SUSD5: variants seen among roughly 807,000 people sequenced by gnomAD.
SUSD5 encodes the protein sushi domain-containing protein 5.
A neutral mutation model predicts 29.5 loss-of-function variants in SUSD5; 33 were observed. That is an observed-to-expected ratio of 1.12 (90% CI 0.85 to 1.49). SUSD5 has a LOEUF of 1.49. Ranked by LOEUF, SUSD5 falls within the 40% of genes most tolerant of loss-of-function variation. SUSD5 has a pLI of 0.00. For synonymous variants in SUSD5, 308 were observed against 325.3 expected, an observed-to-expected ratio of 0.95 and a Z score of 0.57; for missense variants, 776 against 800.6, an observed-to-expected ratio of 0.97 and a Z score of 0.37.
intron 4 of SUSD5, among the ~76,000 whole-genome samples, chr3:33,157,534 G>A (rs1205921676): frequency 6.6e-6 from 1 of 152,172 alleles, no homozygotes; most frequent in Admixed American, 6.5e-5. Context: ...TACTGGCTGT[G>A]GAAGACAGAC....
intron 4 of SUSD5, among the ~76,000 whole-genome samples, chr3:33,159,371 C>T (rs2031125904): frequency 6.6e-6 from 1 of 152,136 alleles, no homozygotes; most frequent in Admixed American, 6.5e-5. Context: ...TATCTGTGGC[C>T]CTGACAAGTC....
chr3:33,196,247 C>A (rs968488348), intron 3 of SUSD5, among the ~76,000 whole-genome samples: 22 of 152,162 alleles, frequency 1.4e-4, no homozygotes, highest in African/African-American at 5.3e-4. Flanking sequence ...AAACAAAATG[C>A]TCATAAAAAG....
chr3:33,172,180 A>AACAC (rs10576154), intron 4 of SUSD5, among the ~76,000 whole-genome samples: 9,959 of 148,406 alleles, frequency 0.067, 391 homozygotes, highest in Non-Finnish European at 0.091. Flanking sequence ...ACTCTTGTAA[A>AACAC]ACACACACAC....
chr3:33,168,312 A>T (rs1325483516), intron 4 of SUSD5, among the ~76,000 whole-genome samples: 2 of 152,230 alleles, frequency 1.3e-5, no homozygotes, highest in Non-Finnish European at 2.9e-5. Flanking sequence ...ACAACCAGAC[A>T]AGCCAGAAAT....
intron 3 of SUSD5, among the ~76,000 whole-genome samples, chr3:33,187,890 G>A (rs1338964990): frequency 1.4e-5 from 2 of 144,308 alleles, no homozygotes; most frequent in African/African-American, 5.2e-5. Context: ...ACCTATGAGT[G>A]AGAACATGCA....
intron 4 of SUSD5, among the ~76,000 whole-genome samples, chr3:33,169,926 T>TC (rs34394961): frequency 8.1e-4 from 68 of 83,802 alleles, no homozygotes; most frequent in African/African-American, 2.7e-3. Context: ...TCTTTCTTTC[T>TC]TTTTTTTTTG....
chr3:33,158,655 T>C (rs1454108264), intron 4 of SUSD5, among the ~76,000 whole-genome samples: 2 of 152,250 alleles, frequency 1.3e-5, no homozygotes, highest in Non-Finnish European at 2.9e-5. Context: ...TCTGCGGTAC[T>C]GCAGAAGAAA....
chr3:33,190,503 A>G (rs2031869153), intron 3 of SUSD5, among the ~76,000 whole-genome samples: 1 of 152,210 alleles, frequency 6.6e-6, no homozygotes, highest in African/African-American at 2.4e-5. Context: ...ATTGTAAATG[A>G]CTATATATTA....
intron 4 of SUSD5, among the ~76,000 whole-genome samples, chr3:33,163,037 T>C (rs1447296631): frequency 2.0e-5 from 3 of 151,916 alleles, no homozygotes; most frequent in Middle Eastern, 3.2e-3. Context: ...TTATATACCA[T>C]TAACAAAACT....
At chr3:33,197,373 T>C (rs2032015083) in intron 3 of SUSD5, among the ~76,000 whole-genome samples, 1 of 152,204 alleles carries the variant, frequency 6.6e-6, no homozygotes, top group South Asian at 2.1e-4. Flanking sequence ...ATAACGTTTG[T>C]GGGAACACTC....
Position 33,167,888 on chromosome 3 carries a change from G to T in SUSD5, c.598+6998C>A, listed in dbSNP as rs1043798590. Among the ~76,000 whole-genome samples the T allele has an allele frequency of 1.3e-5, 2 of 152,138 alleles. No individual in the cohort carries two copies. Among genetic ancestry groups the T allele is most frequent in the Non-Finnish European group, 2.9e-5 (2 of 68,016 alleles). On this transcript the variant is annotated intron_variant, in intron 4 of 4. Coordinates refer to ENST00000309558, the MANE Select transcript of SUSD5 (RefSeq NM_015551.2). The surrounding 1 kb of genome is among the most constrained non-coding windows in gnomAD (Gnocchi z 4.1). ...ATCATTCAGCCATCCTTCTAGCTCT[G>T]CCCTCACCCGACCCTCTCTGTGAAA... is the stretch of plus-strand genomic sequence containing the variant.
rs945178804 is a variant in SUSD5 at position 33,204,582 on chromosome 3, A to T, written c.409+3226T>A. ...GTGATACACCCACCTCGGCCTCCCAAAGTGCTGGGATTACAGGCTTGAGCC... is the reference window on the plus strand; with the variant it reads ...GTGATACACCCACCTCGGCCTCCCATAGTGCTGGGATTACAGGCTTGAGCC... On this transcript the variant is annotated intron_variant, in intron 3 of 4. Coordinates refer to ENST00000309558, the MANE Select transcript of SUSD5 (RefSeq NM_015551.2). The surrounding 1 kb of genome is among the most constrained non-coding windows in gnomAD (Gnocchi z 4.5). Among the ~76,000 whole-genome samples, 23 of 151,930 alleles carry T rather than the reference A, an allele frequency of 1.5e-4. No homozygotes were observed. The highest frequency in any genetic ancestry group is 5.6e-4 in the African/African-American group (23 of 41,416).
intron 1 of SUSD5, 87 bp downstream of exon 1, chr3:33,218,599 G>T: frequency 1.7e-6 from 2 of 1,159,616 alleles, no homozygotes; most frequent in Non-Finnish European, 2.2e-6. Context: ...TGCCGGGCCG[G>T]TCAGAGGGAG....
chr3:33,178,608 G>A (rs934770364), intron 3 of SUSD5, among the ~76,000 whole-genome samples: 12 of 151,928 alleles, frequency 7.9e-5, no homozygotes, highest in Admixed American at 1.3e-4. Context: ...CACCACGCCC[G>A]GCTAATTTTT....
intron 4 of SUSD5, among the ~76,000 whole-genome samples, chr3:33,161,431 G>A (rs1339911874): frequency 6.6e-6 from 1 of 152,010 alleles, no homozygotes; most frequent in Non-Finnish European, 1.5e-5. Context: ...ATGCTTAATT[G>A]CTTCGAAAGA....
intron 2 of SUSD5, among the ~76,000 whole-genome samples, chr3:33,209,281 T>G (rs779883401): frequency 5.3e-5 from 8 of 152,196 alleles, no homozygotes; most frequent in Admixed American, 3.3e-4. Flanking sequence ...TTTGTATTTG[T>G]CTTACTTGAG....
intron 4 of SUSD5, among the ~76,000 whole-genome samples, chr3:33,170,734 G>A (rs959756913): frequency 6.6e-6 from 1 of 152,250 alleles, no homozygotes; most frequent in Non-Finnish European, 1.5e-5. Flanking sequence ...CAGAATCTGG[G>A]AAGCCTGCTG....
intron 4 of SUSD5, among the ~76,000 whole-genome samples, chr3:33,160,741 T>TA (rs1196822596): frequency 1.3e-5 from 2 of 151,974 alleles, no homozygotes; most frequent in African/African-American, 4.8e-5. Context: ...ATGACAGAAC[T>TA]AAAAAATCAG....
chr3:33,166,236 C>A (rs565261551), intron 4 of SUSD5, among the ~76,000 whole-genome samples: 1 of 152,054 alleles, frequency 6.6e-6, no homozygotes, highest in African/African-American at 2.4e-5. Flanking sequence ...CTAATTAATA[C>A]CCTGAATATC....
Sources: gnomAD v4.1 joint callset for allele counts (sites outside exome capture counted in the v4.1 genomes callset) on GRCh38, gnomAD v4.1.1 for gene constraint, Gnocchi (gnomAD v3.1) non-coding constraint, MANE v1.5 for transcripts, NCBI Gene and HGNC (gene_info 2026-07-23, HGNC 2026-07-21) for gene names.